Variants in RAD51B observed in about 807,000 individuals in gnomAD.
RAD51B encodes DNA repair protein RAD51 homolog 2.
A neutral mutation model predicts 42.2 loss-of-function variants in RAD51B; 38 were observed. The observed-to-expected ratio is 0.90, with a 90% confidence interval of 0.70 to 1.18. RAD51B has a LOEUF of 1.18. Ranked by LOEUF, RAD51B falls within the 50% of genes most tolerant of loss-of-function variation. The probability of loss-of-function intolerance (pLI) is 0.00; values close to 1 mark genes in which losing one functional copy is unlikely to be tolerated. For missense variants in RAD51B, 373 were observed against 400.7 expected (o/e 0.93, Z 0.59); for synonymous variants, 154 against 145.2 (o/e 1.06, Z -0.43).
chr14:68,328,773 G>A (rs1460797040), intron 8 of RAD51B, among the ~76,000 whole-genome samples: 1 of 152,190 alleles, frequency 6.6e-6, no homozygotes, highest in African/African-American at 2.4e-5. Flanking sequence ...TTCTGGGGAA[G>A]AGGAGCCTCT....
rs1036782921 is a variant in RAD51B, at chr14:67,992,956, G to A, written c.756+105752G>A. ...TTTATAAATATTTTTTCGGATACCT[G>A]GTAAGTGCTGGTCGCTCTGCTAGGT... On this transcript the variant is annotated intron_variant, in intron 7 of 10. Transcript: ENST00000471583. 1.4e-4 allele frequency among the ~76,000 whole-genome samples: 22 copies of A among 152,028 alleles called. 1 individual carries two copies. In the Middle Eastern group the frequency reaches 0.01, roughly 71 times the overall value.
At chr14:68,494,275 G>A (rs1480782803) in intron 10 of RAD51B, among the ~76,000 whole-genome samples, 6 of 85,134 alleles carry the variant, frequency 7.0e-5, no homozygotes, top group African/African-American at 1.8e-4. Context: ...GTGAGATTCC[G>A]TCTCAAAAAA....
At chr14:67,996,317 G>A (rs1386809267) in intron 7 of RAD51B, among the ~76,000 whole-genome samples, 1 of 151,638 alleles carries the variant, frequency 6.6e-6, no homozygotes, top group South Asian at 2.1e-4. Flanking sequence ...GATTATTTGA[G>A]ACCAGGAGGT....
At chr14:67,915,857 C>T (rs899411949) in intron 7 of RAD51B, among the ~76,000 whole-genome samples, 3 of 152,152 alleles carry the variant, frequency 2.0e-5, no homozygotes, top group African/African-American at 7.2e-5. Flanking sequence ...TTTTTCCTCC[C>T]TAGCTCTTAT....
At chr14:68,259,724 G>A (rs1294902672) in intron 7 of RAD51B, among the ~76,000 whole-genome samples, 3 of 152,146 alleles carry the variant, frequency 2.0e-5, no homozygotes, top group Non-Finnish European at 2.9e-5. Flanking sequence ...TGAGCTCATG[G>A]CACTTTATTT....
At chr14:68,056,148 A>G (rs1405784668) in intron 7 of RAD51B, among the ~76,000 whole-genome samples, 1 of 152,050 alleles carries the variant, frequency 6.6e-6, no homozygotes, top group Non-Finnish European at 1.5e-5. Context: ...GTTATTTGCT[A>G]AAGAAAAGTT....
chr14:68,500,001 G>T (rs952054834), intron 10 of RAD51B, among the ~76,000 whole-genome samples: 1 of 152,192 alleles, frequency 6.6e-6, no homozygotes, highest in Non-Finnish European at 1.5e-5. Flanking sequence ...GAATCTGGTC[G>T]TCTAGAAAAC....
chr14:68,010,354 A>G (rs1263171266), intron 7 of RAD51B, among the ~76,000 whole-genome samples: 1 of 151,878 alleles, frequency 6.6e-6, no homozygotes, highest in African/African-American at 2.4e-5. Flanking sequence ...TAATCAACTG[A>G]TTATACGTGA....
intron 10 of RAD51B, among the ~76,000 whole-genome samples, chr14:68,560,861 A>G (rs764449072): frequency 6.6e-6 from 1 of 151,870 alleles, no homozygotes; most frequent in African/African-American, 2.4e-5. Context: ...AGGCTACTTG[A>G]CTTCGCTTCT....
intron 10 of RAD51B, chr14:68,541,245 A>G (rs1215781338): frequency 1.0e-6 from 1 of 985,298 alleles, no homozygotes; most frequent in Non-Finnish European, 1.2e-6. Context: ...AAGATTTGAC[A>G]GATATTGGTT....
intron 4 of RAD51B, among the ~76,000 whole-genome samples, chr14:67,848,554 T>C (rs970504216): frequency 6.6e-6 from 1 of 152,168 alleles, no homozygotes; most frequent in African/African-American, 2.4e-5. Flanking sequence ...TTCTGTGTCT[T>C]TTAAGTGGGG....
At chr14:68,068,217 A>G (rs547484404) in intron 7 of RAD51B, among the ~76,000 whole-genome samples, 38 of 152,288 alleles carry the variant, frequency 2.5e-4, no homozygotes, top group Admixed American at 5.9e-4. Context: ...CCAATACCTA[A>G]TTGTAGAATA....
intron 8 of RAD51B, among the ~76,000 whole-genome samples, chr14:68,346,443 C>T (rs1439747770): frequency 2.0e-5 from 3 of 152,168 alleles, no homozygotes; most frequent in African/African-American, 7.2e-5. Flanking sequence ...AATCAACTTC[C>T]TCTCTATTCT....
intron 8 of RAD51B, among the ~76,000 whole-genome samples, chr14:68,410,285 C>T (rs2084382350): frequency 6.6e-6 from 1 of 152,102 alleles, no homozygotes; most frequent in Admixed American, 6.5e-5. Flanking sequence ...TAGTAGACCA[C>T]CCTGAAAGGT....
chr14:68,085,381 A>G (rs940065874), intron 7 of RAD51B, among the ~76,000 whole-genome samples: 1 of 152,280 alleles, frequency 6.6e-6, no homozygotes, highest in African/African-American at 2.4e-5. Flanking sequence ...CATAGAGAAG[A>G]GGGCCTAGTA....
rs113245129 is a variant in RAD51B at position 68,110,632 on chromosome 14, G to A, written c.757-181252G>A. ...ACACCCTAATAACATTATTTAATCCGTACAACTTTTTTGTATAAGCATTTA... is the reference window on the plus strand; with the variant it reads ...ACACCCTAATAACATTATTTAATCCATACAACTTTTTTGTATAAGCATTTA... On this transcript the variant is annotated intron_variant, in intron 7 of 10. Coordinates refer to ENST00000471583, the MANE Select transcript of RAD51B (RefSeq NM_133510.4). 1.7e-3 allele frequency among the ~76,000 whole-genome samples: 262 copies of A among 152,092 alleles called. 1 individual carries two copies. Among genetic ancestry groups the A allele is most frequent in the Non-Finnish European group, 3.0e-3 (204 of 67,968 alleles).
chr14:68,188,589 ATTAC>A (rs927713333), intron 7 of RAD51B, among the ~76,000 whole-genome samples: 4 of 152,168 alleles, frequency 2.6e-5, no homozygotes, highest in African/African-American at 9.7e-5. Context: ...TCGTGAATTG[ATTAC>A]TTCATCAAAG....
chr14:68,260,077 G>T (rs1470833897), intron 7 of RAD51B, among the ~76,000 whole-genome samples: 1 of 152,018 alleles, frequency 6.6e-6, no homozygotes, highest in Non-Finnish European at 1.5e-5. Flanking sequence ...ATAATGGGGG[G>T]GTGTGGAGAC....
chr14:68,009,990 A>G (rs1566576165), intron 7 of RAD51B, among the ~76,000 whole-genome samples: 1 of 151,780 alleles, frequency 6.6e-6, no homozygotes, highest in Non-Finnish European at 1.5e-5. Context: ...TTTTTTCACT[A>G]CACTAATTCA....
Sources: allele counts gnomAD v4.1 joint callset (sites outside exome capture counted in the v4.1 genomes callset), GRCh38; gene constraint gnomAD v4.1.1; transcripts MANE v1.5; gene names NCBI Gene and HGNC (gene_info 2026-07-23, HGNC 2026-07-21).